TPD52L1: variants seen among roughly 807,000 people sequenced by gnomAD.
TPD52L1 encodes the protein tumor protein D53.
In TPD52L1, 18 loss-of-function variants were observed where a neutral mutation model predicts 28.7. The ratio of observed to expected loss-of-function variants is 0.63; its 90% confidence interval spans 0.43 to 0.93. The LOEUF (loss-of-function observed/expected upper bound fraction) is 0.93, where lower values mean the gene tolerates loss of function less well. Among genes scored for constraint, TPD52L1 ranks in the 40% least tolerant of loss-of-function variants. The pLI is 0.00. For missense variants in TPD52L1, 203 were observed against 254.8 expected, an observed-to-expected ratio of 0.80 and a Z score of 1.39; for synonymous variants, 75 against 88.8, an observed-to-expected ratio of 0.84 and a Z score of 0.88.
intron 1 of TPD52L1, among the ~76,000 whole-genome samples, chr6:125,202,498 G>C (rs1793855856): frequency 6.6e-6 from 1 of 152,106 alleles, no homozygotes; most frequent in Admixed American, 6.5e-5. Flanking sequence ...GTGCCTCGCA[G>C]CTACTCAGCT....
chr6:125,198,165 A>G (rs997702933), intron 1 of TPD52L1, among the ~76,000 whole-genome samples: 2 of 152,208 alleles, frequency 1.3e-5, no homozygotes, highest in Non-Finnish European at 2.9e-5. Flanking sequence ...CTTCAGGGAC[A>G]GAGGTCTGGA....
At chr6:125,245,918 A>G (rs1796896717) in intron 3 of TPD52L1, among the ~76,000 whole-genome samples, 1 of 152,156 alleles carries the variant, frequency 6.6e-6, no homozygotes, top group Non-Finnish European at 1.5e-5. Context: ...CTGCCCTCAT[A>G]TCTGCAGCAG....
chr6:125,232,190 A>C (rs1582980814), intron 3 of TPD52L1, among the ~76,000 whole-genome samples: 1 of 152,222 alleles, frequency 6.6e-6, no homozygotes, highest in Non-Finnish European at 1.5e-5. Context: ...TACTTAATAA[A>C]TACAAATGGT....
chr6:125,221,051 TCCAC>T (rs1204177919), intron 2 of TPD52L1, among the ~76,000 whole-genome samples: 1 of 152,168 alleles, frequency 6.6e-6, no homozygotes, highest in Non-Finnish European at 1.5e-5. Flanking sequence ...AGCTCTGAGC[TCCAC>T]CTTACCCTCT....
chr6:125,180,287 G>A (rs1792101400), intron 1 of TPD52L1, among the ~76,000 whole-genome samples: 1 of 152,030 alleles, frequency 6.6e-6, no homozygotes, highest in South Asian at 2.1e-4. Flanking sequence ...TTGGGGAGAA[G>A]GTGGAAGCGA....
At chr6:125,218,828 G>A (rs1006110311) in intron 1 of TPD52L1, among the ~76,000 whole-genome samples, 1 of 152,142 alleles carries the variant, frequency 6.6e-6, no homozygotes, top group Non-Finnish European at 1.5e-5. Context: ...GCTAAAAACG[G>A]GTCCTTGTCA....
At chr6:125,202,741 C>CT (rs1793873258) in intron 1 of TPD52L1, among the ~76,000 whole-genome samples, 1 of 145,830 alleles carries the variant, frequency 6.9e-6, no homozygotes, top group African/African-American at 2.6e-5. Flanking sequence ...TGTAAGGAGG[C>CT]TGAGTGTTAC....
At chr6:125,202,494 C>T (rs189350952) in intron 1 of TPD52L1, among the ~76,000 whole-genome samples, 5 of 152,196 alleles carry the variant, frequency 3.3e-5, no homozygotes, top group African/African-American at 9.6e-5. Flanking sequence ...TTGGGTGCCT[C>T]GCAGCTACTC....
chr6:125,248,008 C>G (rs865845831), intron 3 of TPD52L1, among the ~76,000 whole-genome samples: 2 of 152,298 alleles, frequency 1.3e-5, no homozygotes, highest in Middle Eastern at 3.4e-3. Context: ...TGAGCAGTTC[C>G]ATTATTTGTC....
intron 1 of TPD52L1, among the ~76,000 whole-genome samples, chr6:125,155,376 T>C (rs1171990937): frequency 6.6e-6 from 1 of 152,238 alleles, no homozygotes; most frequent in African/African-American, 2.4e-5. Context: ...ATGGGTATAT[T>C]TGAAAGCTTA....
At chr6:125,170,797 C>T (rs561363253) in intron 1 of TPD52L1, among the ~76,000 whole-genome samples, 14 of 152,212 alleles carry the variant, frequency 9.2e-5, no homozygotes, top group African/African-American at 3.4e-4. Flanking sequence ...TTTTAGAGAG[C>T]CCCACTTTAG....
intron 4 of TPD52L1, chr6:125,251,940 C>T: frequency 7.0e-7 from 1 of 1,438,290 alleles, no homozygotes; most frequent in South Asian, 1.2e-5. Flanking sequence ...GAAAGGGGAC[C>T]ACCAAGGGCA....
intron 3 of TPD52L1, among the ~76,000 whole-genome samples, chr6:125,238,074 T>G (rs1796381852): frequency 6.6e-6 from 1 of 152,230 alleles, no homozygotes. Context: ...GTCCAGATTT[T>G]TCTTTATTTA....
chr6:125,171,030 G>T (rs551417653), intron 1 of TPD52L1, among the ~76,000 whole-genome samples: 1 of 152,260 alleles, frequency 6.6e-6, no homozygotes, highest in South Asian at 2.1e-4. Context: ...GGCTGATTTT[G>T]GGGGTGGCAA....
intron 1 of TPD52L1, among the ~76,000 whole-genome samples, chr6:125,216,728 A>C (rs1305609923): frequency 6.6e-6 from 1 of 151,982 alleles, no homozygotes; most frequent in East Asian, 1.9e-4. Flanking sequence ...AAAGGAAATT[A>C]CTTAGCATTG....
chr6:125,183,456 G>A (rs1454073002), intron 1 of TPD52L1, among the ~76,000 whole-genome samples: 2 of 152,130 alleles, frequency 1.3e-5, no homozygotes, highest in Non-Finnish European at 2.9e-5. Flanking sequence ...TCCAGCCTGG[G>A]TGACAGAGCG....
intron 4 of TPD52L1, chr6:125,248,622 G>A (rs978797366): frequency 1.3e-5 from 6 of 464,686 alleles, no homozygotes; most frequent in African/African-American, 7.8e-5. Flanking sequence ...GACCCGACCT[G>A]GTAAAAATAG....
intron 3 of TPD52L1, among the ~76,000 whole-genome samples, chr6:125,232,035 G>A (rs1021437176): frequency 6.6e-6 from 1 of 152,208 alleles, no homozygotes; most frequent in East Asian, 1.9e-4. Flanking sequence ...GCTCCGTAAA[G>A]TCTGAAATGC....
chr6:125,172,157 T>TTTCTTTTCTTTCTTTC (rs1554202455), intron 1 of TPD52L1, among the ~76,000 whole-genome samples: 3 of 54,010 alleles, frequency 5.6e-5, no homozygotes, highest in African/African-American at 8.6e-5. Flanking sequence ...TCTTTCTTTC[T>TTTCTTTTCTTTCTTTC]TTTCTTTCTT....
Sources: gnomAD v4.1 joint callset for allele counts (sites outside exome capture counted in the v4.1 genomes callset) on GRCh38, gnomAD v4.1.1 for gene constraint, MANE v1.5 for transcripts, NCBI Gene and HGNC (gene_info 2026-07-23, HGNC 2026-07-21) for gene names.